MAPKAP1: variants seen among roughly 807,000 people sequenced by gnomAD.
MAPKAP1 encodes MAPK associated protein 1.
In MAPKAP1, 20 loss-of-function variants were observed where a neutral mutation model predicts 65.7. The observed-to-expected ratio is 0.30, with a 90% CI of 0.21 to 0.44. The LOEUF (loss-of-function observed/expected upper bound fraction) is 0.44. MAPKAP1 is among the 20% of genes least tolerant of loss of function. MAPKAP1 has a pLI of 1.00. For missense variants in MAPKAP1, 423 were observed against 648.0 expected (o/e 0.65, Z 3.77); for synonymous variants, 222 against 244.3 (o/e 0.91, Z 0.85).
At chr9:125,545,263 G>A (rs1830390426) in intron 6 of MAPKAP1, among the ~76,000 whole-genome samples, 1 of 152,320 alleles carries the variant, frequency 6.6e-6, no homozygotes, top group South Asian at 2.1e-4. Flanking sequence ...TTTAGGGAGC[G>A]ATGCAGTAAG....
intron 1 of MAPKAP1, among the ~76,000 whole-genome samples, chr9:125,693,618 CACATATAT>C (rs1835256258): frequency 6.7e-6 from 1 of 150,048 alleles, no homozygotes; most frequent in Admixed American, 6.7e-5. Context: ...CATATATACA[CACATATAT>C]ACACATATAC....
intron 1 of MAPKAP1, among the ~76,000 whole-genome samples, chr9:125,686,932 T>C (rs1474467376): frequency 6.6e-6 from 1 of 152,020 alleles, no homozygotes; most frequent in Non-Finnish European, 1.5e-5. Context: ...GTTCAAGTGA[T>C]TCTCCTGCCT....
intron 1 of MAPKAP1, among the ~76,000 whole-genome samples, chr9:125,675,621 T>C (rs1834621586): frequency 6.6e-6 from 1 of 152,170 alleles, no homozygotes; most frequent in Admixed American, 6.5e-5. Context: ...CCAGAAAACA[T>C]ATTATTGTGT....
rs539157509 is a variant in MAPKAP1, at chr9:125,463,030, C to T, written c.1345+4942G>A. ...CCAAGCTCTGGTTCAGCTCTAATATCTCCTCGGTAGAAGTCTTGCAAAAGT... is the reference window on the plus strand; with the variant it reads ...CCAAGCTCTGGTTCAGCTCTAATATTTCCTCGGTAGAAGTCTTGCAAAAGT... On this transcript the variant is annotated intron_variant, in intron 10 of 11. Coordinates refer to ENST00000265960, the MANE Select transcript of MAPKAP1 (RefSeq NM_001006617.3). Among the ~76,000 whole-genome samples, 5 of 152,358 alleles carry T rather than the reference C, an allele frequency of 3.3e-5. No homozygotes were observed. The East Asian group carries it at 9.6e-4, about 29-fold the overall frequency.
chr9:125,543,634 TTGAA>T (rs1250172897), intron 6 of MAPKAP1, among the ~76,000 whole-genome samples: 35 of 152,200 alleles, frequency 2.3e-4, no homozygotes, highest in African/African-American at 7.9e-4. Flanking sequence ...TAAAAATAGG[TTGAA>T]TAAATATACT....
chr9:125,645,558 G>C (rs1231944680), intron 4 of MAPKAP1, among the ~76,000 whole-genome samples: 1 of 152,050 alleles, frequency 6.6e-6, no homozygotes, highest in Non-Finnish European at 1.5e-5. Context: ...CCAACATGGT[G>C]AAACCCCGTC....
intron 8 of MAPKAP1, among the ~76,000 whole-genome samples, chr9:125,504,800 C>A (rs1829090299): frequency 1.3e-5 from 2 of 151,336 alleles, no homozygotes; most frequent in Admixed American, 6.6e-5. Context: ...CTCAAAAAAA[C>A]CCCAAAACCA....
At chr9:125,698,063 C>CA (rs35770192) in intron 1 of MAPKAP1, among the ~76,000 whole-genome samples, 9 of 148,350 alleles carry the variant, frequency 6.1e-5, no homozygotes, top group East Asian at 2.0e-4. Flanking sequence ...CCCCCAACTC[C>CA]AAAAAAAAAG....
chr9:125,604,531 A>T (rs1564578890), intron 4 of MAPKAP1, among the ~76,000 whole-genome samples: 1 of 152,230 alleles, frequency 6.6e-6, no homozygotes, highest in Non-Finnish European at 1.5e-5. Context: ...AGAGCTGCAC[A>T]ATTTCCTTAC....
rs1832108878 is a variant in MAPKAP1 at position 125,595,838 on chromosome 9, G to C, written c.499-10111C>G. On this transcript the variant is annotated intron_variant, in intron 4 of 11. Transcript: ENST00000265960. The surrounding 1 kb of genome is among the most constrained non-coding windows in gnomAD (Gnocchi z 4.0). ...CAACACCAAGCGTTCCGGGGGTTTTGGGTTTGTCACCTATGCCACTGTGGA... is the reference window on the plus strand; with the variant it reads ...CAACACCAAGCGTTCCGGGGGTTTTCGGTTTGTCACCTATGCCACTGTGGA... 2.7e-6 allele frequency: 3 copies of C among 1,132,044 alleles called. No individual in the cohort carries two copies. Among genetic ancestry groups the C allele is most frequent in the African/African-American group, 3.0e-5 (2 of 65,886 alleles). The allele number at this position is 1,132,044 out of a possible 1,614,324, so 70.1% of individuals were successfully genotyped here. A position where few individuals can be genotyped will look rare whatever the true frequency, so the allele number is the denominator to read the frequency against.
At chr9:125,585,411 C>T (rs533659373) in intron 5 of MAPKAP1, 144 bp downstream of exon 5, 39 of 783,622 alleles carry the variant, frequency 5.0e-5, no homozygotes, top group South Asian at 2.9e-4. Context: ...TGCACAGGCG[C>T]GAGACCTGGT....
chr9:125,660,828 C>T (rs1055132664), intron 3 of MAPKAP1, among the ~76,000 whole-genome samples: 1 of 152,322 alleles, frequency 6.6e-6, no homozygotes, highest in East Asian at 1.9e-4. Context: ...CCTCCTCACC[C>T]CAACCCTTGT....
chr9:125,510,030 C>T (rs1829254093), intron 7 of MAPKAP1, among the ~76,000 whole-genome samples: 1 of 152,190 alleles, frequency 6.6e-6, no homozygotes, highest in African/African-American at 2.4e-5. Context: ...ATGTTGATGA[C>T]TTTAATACAT....
intron 7 of MAPKAP1, among the ~76,000 whole-genome samples, chr9:125,514,796 C>G (rs915508003): frequency 2.0e-5 from 3 of 152,138 alleles, no homozygotes; most frequent in Admixed American, 2.0e-4. Flanking sequence ...GCAGGAAGAC[C>G]CATTCCAGGA....
intron 3 of MAPKAP1, among the ~76,000 whole-genome samples, chr9:125,662,856 T>C (rs1197542525): frequency 2.0e-5 from 3 of 151,980 alleles, no homozygotes; most frequent in Non-Finnish European, 2.9e-5. Flanking sequence ...ACAGTTTCCT[T>C]ATATGTTAAA....
chr9:125,480,784 A>G lies in MAPKAP1; in HGVS notation c.1207+3659T>C, dbSNP rs867359434. Reference sequence around the variant, plus strand: ...TCAGGAGATCGAGACCATCCTGGCTAACATGGTGAAACCCCGTCTCTACTA... The same window carrying G: ...TCAGGAGATCGAGACCATCCTGGCTGACATGGTGAAACCCCGTCTCTACTA... On this transcript the variant is annotated intron_variant, in intron 9 of 11. Coordinates refer to ENST00000265960, the MANE Select transcript of MAPKAP1 (RefSeq NM_001006617.3). Among the ~76,000 whole-genome samples the G allele has an allele frequency of 3.9e-5, 6 of 152,008 alleles. 1 individual carries two copies. The South Asian group carries it at 1.0e-3, about 26-fold the overall frequency.
chr9:125,507,915 G>A (rs948139829), intron 7 of MAPKAP1, among the ~76,000 whole-genome samples: 1 of 151,992 alleles, frequency 6.6e-6, no homozygotes, highest in Admixed American at 6.5e-5. Context: ...AGCCCCCTTA[G>A]CGATTCTCCC....
intron 10 of MAPKAP1, among the ~76,000 whole-genome samples, chr9:125,466,276 C>A (rs1468247164): frequency 2.6e-5 from 4 of 152,086 alleles, no homozygotes; most frequent in African/African-American, 9.7e-5. Flanking sequence ...CCCCCACCAC[C>A]CACCCCGTAC....
At chr9:125,596,286 G>T in intron 4 of MAPKAP1, 2 of 760,322 alleles carry the variant, frequency 2.6e-6, no homozygotes, top group Admixed American at 3.4e-5. Context: ...TGGTCGTGAA[G>T]GTGACTTCGG....
Sources: gnomAD v4.1 joint callset for allele counts (sites outside exome capture counted in the v4.1 genomes callset) on GRCh38, gnomAD v4.1.1 for gene constraint, Gnocchi (gnomAD v3.1) non-coding constraint, MANE v1.5 for transcripts, NCBI Gene and HGNC (gene_info 2026-07-23, HGNC 2026-07-21) for gene names.